The following R3HCC1L variants were observed in gnomAD, a reference collection of about 807,000 sequenced individuals.
R3HCC1L encodes R3H domain and coiled-coil containing 1 like, also known as coiled-coil domain-containing protein R3HCC1L.
In R3HCC1L, 51 loss-of-function variants were observed where a neutral mutation model predicts 59.9. That is an observed-to-expected ratio of 0.85 (90% CI 0.68 to 1.07). The LOEUF is 1.07. R3HCC1L is among the 50% of genes least tolerant of loss of function. The pLI, the probability that R3HCC1L is intolerant of heterozygous loss-of-function variation, is 0.00. For synonymous variants in R3HCC1L, 322 were observed against 315.2 expected (o/e 1.02, Z -0.23); for missense variants, 965 against 933.0 (o/e 1.03, Z -0.45).
At chr10:98,137,475 A>C (rs1844712337) in intron 1 of R3HCC1L, among the ~76,000 whole-genome samples, 1 of 152,212 alleles carries the variant, frequency 6.6e-6, no homozygotes, top group Non-Finnish European at 1.5e-5. Context: ...AATAGTGATG[A>C]TGATAATTTT....
chr10:98,205,912 T>A (rs1852583079), intron 4 of R3HCC1L, among the ~76,000 whole-genome samples: 1 of 152,150 alleles, frequency 6.6e-6, no homozygotes, highest in Non-Finnish European at 1.5e-5. Context: ...GAGACAGAGC[T>A]CATTTCCTGG....
chr10:98,161,308 G>A lies in R3HCC1L; in HGVS notation c.-212-1575G>A, dbSNP rs148070880. Among the ~76,000 whole-genome samples, 1,319 of 152,012 alleles carry A rather than the reference G, an allele frequency of 8.7e-3. 9 individuals are homozygous for A. Among genetic ancestry groups the A allele is most frequent in the Non-Finnish European group, 0.014 (946 of 67,950 alleles). ...TTGAACATCTTTTCATATGTTTAAG[G>A]GTCATTTTTATATCTTTTTGTGTGA... On this transcript the variant is annotated intron_variant, in intron 2 of 9. Coordinates refer to ENST00000298999, the MANE Select transcript of R3HCC1L (RefSeq NM_001351015.2).
chr10:98,171,933 G>T (rs1487992160), intron 4 of R3HCC1L, among the ~76,000 whole-genome samples: 1 of 152,144 alleles, frequency 6.6e-6, no homozygotes, highest in African/African-American at 2.4e-5. Flanking sequence ...AAGCAGGCAA[G>T]GATTAGTACT....
intron 4 of R3HCC1L, among the ~76,000 whole-genome samples, chr10:98,193,425 G>A (rs776955324): frequency 6.6e-6 from 1 of 152,070 alleles, no homozygotes; most frequent in Non-Finnish European, 1.5e-5. Flanking sequence ...ATTCAGCCAA[G>A]TTGCAGGATA....
chr10:98,134,987 C>G (rs1412429143), intron 1 of R3HCC1L, among the ~76,000 whole-genome samples: 1 of 152,174 alleles, frequency 6.6e-6, no homozygotes, highest in Non-Finnish European at 1.5e-5. Flanking sequence ...CCCAAATGAT[C>G]CTGGCGGAAA....
chr10:98,221,145 T>C (rs1366626856), intron 5 of R3HCC1L, among the ~76,000 whole-genome samples: 2 of 151,250 alleles, frequency 1.3e-5, no homozygotes, highest in African/African-American at 4.8e-5. Flanking sequence ...ATGAGCATTT[T>C]TTCATGTGTC....
At chr10:98,154,558 G>T (rs1208838895) in intron 1 of R3HCC1L, among the ~76,000 whole-genome samples, 1 of 152,114 alleles carries the variant, frequency 6.6e-6, no homozygotes, top group African/African-American at 2.4e-5. Context: ...GGAGTTCCGT[G>T]TATACTACTT....
chr10:98,179,035 C>A (rs893984869), intron 4 of R3HCC1L, among the ~76,000 whole-genome samples: 1 of 152,138 alleles, frequency 6.6e-6, no homozygotes, highest in African/African-American at 2.4e-5. Context: ...TCCTCTTTTC[C>A]TAATTGAATA....
intron 2 of R3HCC1L, among the ~76,000 whole-genome samples, chr10:98,160,907 T>TA (rs939757480): frequency 1.4e-4 from 22 of 152,336 alleles, no homozygotes; most frequent in African/African-American, 4.8e-4. Flanking sequence ...CTTTCATTCT[T>TA]ACACAAAAGG....
intron 4 of R3HCC1L, among the ~76,000 whole-genome samples, chr10:98,163,933 TA>T (rs869118090): frequency 3.3e-5 from 5 of 152,226 alleles, no homozygotes; most frequent in Admixed American, 3.3e-4. Context: ...TGTTGTCAGT[TA>T]AAAAAATTTT....
chr10:98,154,847 G>A (rs1257109450), intron 1 of R3HCC1L, among the ~76,000 whole-genome samples: 1 of 152,162 alleles, frequency 6.6e-6, no homozygotes, highest in East Asian at 1.9e-4. Context: ...TGCATCAACA[G>A]GATGTTGTTT....
chr10:98,169,795 C>A (rs1848335196), intron 4 of R3HCC1L, among the ~76,000 whole-genome samples: 1 of 150,946 alleles, frequency 6.6e-6, no homozygotes, highest in African/African-American at 2.4e-5. Context: ...TTGCTTAATG[C>A]AAATAAATCA....
At chr10:98,225,140 C>A (rs1398311562) in intron 5 of R3HCC1L, among the ~76,000 whole-genome samples, 1 of 152,106 alleles carries the variant, frequency 6.6e-6, no homozygotes, top group Non-Finnish European at 1.5e-5. Flanking sequence ...CCACATTTTA[C>A]TTATTACATA....
chr10:98,222,787 G>T (rs1359608782), intron 5 of R3HCC1L, among the ~76,000 whole-genome samples: 2 of 151,736 alleles, frequency 1.3e-5, no homozygotes, highest in Non-Finnish European at 2.9e-5. Context: ...TTGATAGACC[G>T]CTAGCAAGAC....
intron 4 of R3HCC1L, among the ~76,000 whole-genome samples, chr10:98,185,174 G>A (rs1233332674): frequency 6.6e-6 from 1 of 152,006 alleles, no homozygotes; most frequent in Non-Finnish European, 1.5e-5. Context: ...TTTTAAATCT[G>A]TTCCTTTCAG....
intron 4 of R3HCC1L, among the ~76,000 whole-genome samples, chr10:98,172,559 G>C (rs908240587): frequency 2.6e-5 from 4 of 152,160 alleles, no homozygotes; most frequent in Non-Finnish European, 4.4e-5. Flanking sequence ...CCATCATCTG[G>C]AGGCTCCATA....
At chr10:98,236,625 G>A (rs1425204078) in intron 9 of R3HCC1L, among the ~76,000 whole-genome samples, 1 of 152,176 alleles carries the variant, frequency 6.6e-6, no homozygotes, top group African/African-American at 2.4e-5. Flanking sequence ...AACTGTAGGA[G>A]GTATTTTTGT....
chr10:98,177,606 A>G (rs761762829), intron 4 of R3HCC1L, among the ~76,000 whole-genome samples: 2 of 152,176 alleles, frequency 1.3e-5, no homozygotes, highest in Non-Finnish European at 2.9e-5. Context: ...GAGTCGCCAC[A>G]CTGTCTTCCA....
At chr10:98,142,949 C>CA (rs1564980960) in intron 1 of R3HCC1L, among the ~76,000 whole-genome samples, 1 of 146,664 alleles carries the variant, frequency 6.8e-6, no homozygotes, top group Non-Finnish European at 1.5e-5. Context: ...AAAAAACAAA[C>CA]AAACAAAACA....
Sources: allele counts gnomAD v4.1 joint callset (sites outside exome capture counted in the v4.1 genomes callset), GRCh38; gene constraint gnomAD v4.1.1; transcripts MANE v1.5; gene names NCBI Gene and HGNC (gene_info 2026-07-23, HGNC 2026-07-21).